N4BP2L2: variants seen among roughly 807,000 people sequenced by gnomAD.
The protein encoded by N4BP2L2 is NEDD4-binding protein 2-like 2.
N4BP2L2 carries 50 observed loss-of-function variants against 56.2 expected under a neutral mutation model. That is an observed-to-expected ratio of 0.89 (90% CI 0.71 to 1.13). N4BP2L2 has a LOEUF of 1.13. Ranked by LOEUF, N4BP2L2 falls within the 50% of genes most tolerant of loss-of-function variation. N4BP2L2 has a pLI of 0.00. For synonymous variants in N4BP2L2, 203 were observed against 223.6 expected (o/e 0.91, Z 0.82); for missense variants, 689 against 693.8 (o/e 0.99, Z 0.08).
At chr13:32,538,328 G>A (rs149234217) in intron 1 of N4BP2L2, among the ~76,000 whole-genome samples, 1 of 152,244 alleles carries the variant, frequency 6.6e-6, no homozygotes, top group African/African-American at 2.4e-5. Context: ...AAGTCCCGAA[G>A]AAAAGCAACC....
At chr13:32,532,590 C>CTTTTTTTTTTTTT (rs759146834) in intron 2 of N4BP2L2, among the ~76,000 whole-genome samples, 1 of 128,394 alleles carries the variant, frequency 7.8e-6, no homozygotes, top group Non-Finnish European at 1.7e-5. Context: ...TTTCTTTTTT[C>CTTTTTTTTTTTTT]TTTTTTTTTT....
intron 6 of N4BP2L2, chr13:32,504,463 A>C (rs182077649): frequency 6.6e-6 from 1 of 152,300 alleles, no homozygotes; most frequent in East Asian, 1.9e-4. Context: ...GACACCATTC[A>C]TATTGGATTA....
At chr13:32,538,492 G>A (rs1011818188) in intron 1 of N4BP2L2, 126 bp downstream of exon 1, 1 of 507,810 alleles carries the variant, frequency 2.0e-6, no homozygotes, top group Non-Finnish European at 2.5e-6. Context: ...GGAGGTCTCT[G>A]AGGCGCAAAA....
chr13:32,496,213 T>A (rs1196339568), intron 6 of N4BP2L2, among the ~76,000 whole-genome samples: 2 of 152,162 alleles, frequency 1.3e-5, no homozygotes, highest in African/African-American at 2.4e-5. Flanking sequence ...TTATTTTTTT[T>A]TTTTTACCCC....
At chr13:32,434,443 C>T (rs1273598248) in intron 9 of N4BP2L2, among the ~76,000 whole-genome samples, 1 of 151,910 alleles carries the variant, frequency 6.6e-6, no homozygotes, top group African/African-American at 2.4e-5. Flanking sequence ...ATTTAATCCT[C>T]ATTTAAAAGA....
chr13:32,439,027 T>C (rs1230309838), intron 7 of N4BP2L2, among the ~76,000 whole-genome samples: 2 of 152,258 alleles, frequency 1.3e-5, no homozygotes, highest in Non-Finnish European at 2.9e-5. Flanking sequence ...CCTCTACTTA[T>C]GGTTTTCTCT....
intron 6 of N4BP2L2, among the ~76,000 whole-genome samples, chr13:32,504,250 G>A (rs1273786325): frequency 6.6e-6 from 1 of 152,118 alleles, no homozygotes; most frequent in African/African-American, 2.4e-5. Context: ...ATTTGCTAGG[G>A]TTCCCACAAC....
At chr13:32,496,786 C>T (rs1042016653) in intron 6 of N4BP2L2, among the ~76,000 whole-genome samples, 1 of 152,214 alleles carries the variant, frequency 6.6e-6, no homozygotes, top group Non-Finnish European at 1.5e-5. Context: ...CTGAGCCCCA[C>T]CTCTGACATG....
chr13:32,506,548 G>C (rs1444505134), downstream of N4BP2L2: 1 of 152,164 alleles, frequency 6.6e-6, no homozygotes, highest in Non-Finnish European at 1.5e-5. Context: ...TGACTCATTA[G>C]CTTAAAAATA....
Position 32,528,889 on chromosome 13 carries a change from T to C in N4BP2L2, c.1260-1357A>G, listed in dbSNP as rs1347211119. ...TCATATACAGTTCTCTCCCTCAATA[T>C]CCATGGGAGATTGGTTCCAGGACCA... On this transcript the variant is annotated intron_variant, in intron 2 of 5. Transcript: ENST00000267068. Among the ~76,000 whole-genome samples, 4 of 152,288 alleles carry C rather than the reference T, an allele frequency of 2.6e-5. No individual in the cohort carries two copies. The East Asian group carries it at 7.7e-4, about 29-fold the overall frequency.
chr13:32,528,387 T>A (rs1321515677), intron 2 of N4BP2L2, among the ~76,000 whole-genome samples: 1 of 152,230 alleles, frequency 6.6e-6, no homozygotes, highest in African/African-American at 2.4e-5. Flanking sequence ...AATCAAACTT[T>A]AAATTTTTAA....
At position 32,519,244 on chromosome 13, in the gene N4BP2L2, C is replaced by CA. The variant is rs568918720; in HGVS notation, c.1551-1242dup. Among the ~76,000 whole-genome samples the CA allele has an allele frequency of 9.0e-3, 1,014 of 113,294 alleles. 10 individuals carry two copies. Among genetic ancestry groups the CA allele is most frequent in the African/African-American group, 0.021 (651 of 31,648 alleles). The allele number at this position is 113,294 out of a possible 152,430, so 74.3% of individuals were successfully genotyped here. A position where few individuals can be genotyped will look rare whatever the true frequency, so the allele number is the denominator to read the frequency against. On this transcript the variant is annotated intron_variant, in intron 5 of 5. Transcript: ENST00000267068. The stretch of plus-strand genomic sequence containing the variant: ...GGCAATATGGCAAAACCGTCTCTAC[C>CA]AAAAAAAAAAAAAAAAAATTAGCTG...
chr13:32,519,606 C>T (rs1465373732), intron 5 of N4BP2L2, among the ~76,000 whole-genome samples: 2 of 151,966 alleles, frequency 1.3e-5, no homozygotes, highest in Non-Finnish European at 2.9e-5. Flanking sequence ...GCTGAGATCG[C>T]CCCACTGAAC....
downstream of N4BP2L2, chr13:32,505,398 T>C (rs1346316578): frequency 6.6e-6 from 1 of 152,260 alleles, no homozygotes; most frequent in Non-Finnish European, 1.5e-5. Flanking sequence ...GAAATGGTTG[T>C]CTTGCAACAA....
chr13:32,466,810 A>T (rs1212358678), intron 6 of N4BP2L2, among the ~76,000 whole-genome samples: 1 of 152,208 alleles, frequency 6.6e-6, no homozygotes, highest in African/African-American at 2.4e-5. Flanking sequence ...TTTTATTATT[A>T]GTCTTTAACC....
exon 6 of N4BP2L2, chr13:32,517,467 T>C: frequency 4.9e-6 from 5 of 1,018,174 alleles, no homozygotes; most frequent in Non-Finnish European, 5.9e-6. Context: ...ATATGAACTA[T>C]TAAAAAACTG....
chr13:32,454,989 C>T (rs1184826179), intron 6 of N4BP2L2, among the ~76,000 whole-genome samples: 3 of 152,306 alleles, frequency 2.0e-5, no homozygotes, highest in South Asian at 2.1e-4. Flanking sequence ...GAAAACCCCT[C>T]GACCCTTGTA....
intron 6 of N4BP2L2, among the ~76,000 whole-genome samples, chr13:32,473,403 G>A (rs1251152003): frequency 6.6e-6 from 1 of 151,930 alleles, no homozygotes; most frequent in Non-Finnish European, 1.5e-5. Flanking sequence ...TAAACACAAG[G>A]TGTGAACATT....
intron 6 of N4BP2L2, among the ~76,000 whole-genome samples, chr13:32,456,295 T>C (rs891860676): frequency 6.6e-6 from 1 of 152,142 alleles, no homozygotes; most frequent in African/African-American, 2.4e-5. Flanking sequence ...AGAAATCATA[T>C]GGAAACTGCA....
Sources: allele counts gnomAD v4.1 joint callset (sites outside exome capture counted in the v4.1 genomes callset), GRCh38; gene constraint gnomAD v4.1.1; transcripts MANE v1.5; gene names NCBI Gene and HGNC (gene_info 2026-07-23, HGNC 2026-07-21).